MAB21L3: variants seen among roughly 807,000 people sequenced by gnomAD.
The protein encoded by MAB21L3 is mab-21 like 3, also known as protein mab-21-like 3.
A neutral mutation model predicts 37.7 loss-of-function variants in MAB21L3; 36 were observed. That is an observed-to-expected ratio of 0.96 (90% confidence interval 0.73 to 1.26). MAB21L3 has a LOEUF of 1.26. MAB21L3 is among the 50% of genes most tolerant of loss of function. MAB21L3 has a pLI of 0.00. For missense variants in MAB21L3, 430 were observed against 447.3 expected (o/e 0.96, Z 0.35); for synonymous variants, 186 against 176.8 (o/e 1.05, Z -0.41).
intron 4 of MAB21L3, 31 bp from the exon 5 acceptor site, chr1:116,124,035 A>C (rs1453548795): frequency 6.4e-7 from 1 of 1,561,310 alleles, no homozygotes; most frequent in Non-Finnish European, 8.7e-7. Context: ...CTGTGAATTC[A>C]TGCTTGTTTT....
intron 3 of MAB21L3, among the ~76,000 whole-genome samples, chr1:116,119,270 C>G (rs1446064426): frequency 1.3e-5 from 2 of 152,232 alleles, no homozygotes; most frequent in African/African-American, 4.8e-5. Flanking sequence ...GTGCCCACCA[C>G]AGAGGACATG....
At chr1:116,127,314 A>T (rs1659936060) in intron 5 of MAB21L3, 152 bp from the exon 6 acceptor site, 3 of 647,610 alleles carry the variant, frequency 4.6e-6, no homozygotes, top group Non-Finnish European at 5.2e-6. Context: ...TGCTACAGGC[A>T]TTGTGATCCT....
Position 116,126,366 on chromosome 1 carries a change from T to C in MAB21L3, c.482-1100T>C, listed in dbSNP as rs1359449234. Among the ~76,000 whole-genome samples the C allele has an allele frequency of 2.6e-5, 4 of 152,226 alleles. No homozygotes were observed. The East Asian group carries it at 5.8e-4, about 22-fold the overall frequency. ...TAGATGCGTTAGTTTTCTCTTCTTC[T>C]CTTTGCCTGGTTGGAAAACGAGGCA... On this transcript the variant is annotated intron_variant, in intron 5 of 7. Coordinates refer to ENST00000369500, the MANE Select transcript of MAB21L3 (RefSeq NM_152367.3).
At chr1:116,126,271 CTG>C (rs1553231419) in intron 5 of MAB21L3, among the ~76,000 whole-genome samples, 1 of 152,172 alleles carries the variant, frequency 6.6e-6, no homozygotes, top group East Asian at 1.9e-4. Context: ...CAAACAAAAA[CTG>C]TACCTTTTGA....
At chr1:116,124,428 G>T in intron 5 of MAB21L3, 71 bp downstream of exon 5, 1 of 1,404,950 alleles carries the variant, frequency 7.1e-7, no homozygotes. Context: ...ACCTCTGTTT[G>T]GGTGTTACCT....
intron 7 of MAB21L3, 38 bp from the exon 8 acceptor site, chr1:116,133,094 C>T (rs764854408): frequency 2.6e-6 from 4 of 1,544,018 alleles, no homozygotes; most frequent in African/African-American, 1.4e-5. Context: ...TCCTCAATTG[C>T]CCGAAACAAT....
intron 7 of MAB21L3, among the ~76,000 whole-genome samples, chr1:116,132,688 C>T (rs576133546): frequency 6.6e-6 from 1 of 152,124 alleles, no homozygotes; most frequent in East Asian, 1.9e-4. Context: ...TTGTGAAAAG[C>T]AGTTGAGGAA....
intron 7 of MAB21L3, among the ~76,000 whole-genome samples, chr1:116,130,183 A>G (rs1472554618): frequency 6.6e-6 from 1 of 152,260 alleles, no homozygotes; most frequent in Admixed American, 6.5e-5. Flanking sequence ...TATTTCAGGC[A>G]GGATTGAATG....
At chr1:116,112,823 A>G (rs1659467639) in intron 3 of MAB21L3, among the ~76,000 whole-genome samples, 160 bp downstream of exon 3, 2 of 152,160 alleles carry the variant, frequency 1.3e-5, no homozygotes, top group Non-Finnish European at 2.9e-5. Flanking sequence ...GGCTTAACAT[A>G]TATCAGCCTT....
rs1164169999 is a variant in MAB21L3 at position 116,117,186 on chromosome 1, T to TATATATATA, written c.49-3740_49-3739insATAATATAT. 6.2e-5 allele frequency among the ~76,000 whole-genome samples: 9 copies of TATATATATA among 146,064 alleles called. No individual in the cohort carries two copies. In the East Asian group the frequency reaches 1.6e-3, roughly 26 times the overall value. ...ACATATATATATATATATATATATA[T>TATATATATA]ATATATGTATAGTCACTGCTATGTT... On this transcript the variant is annotated intron_variant, in intron 3 of 7. Coordinates refer to ENST00000369500, the MANE Select transcript of MAB21L3 (RefSeq NM_152367.3).
At chr1:116,127,349 G>A (rs892424194) in intron 5 of MAB21L3, 117 bp from the exon 6 acceptor site, 1 of 935,500 alleles carries the variant, frequency 1.1e-6, no homozygotes, top group Admixed American at 2.4e-5. Flanking sequence ...CATTGTGAAA[G>A]TTGCCACACC....
At position 116,112,654 on chromosome 1, in the gene MAB21L3, A is replaced by G. The variant is rs1245795231; in HGVS notation, c.39A>G (p.Leu13=). Residue 13 remains leucine, a synonymous_variant, in exon 3 of 8, where the codon CTA becomes CTG. Transcript: ENST00000369500. Reference sequence around the variant, plus strand: ...CTGTGGGAGACTTAGAAGATTGCCTACTGAATAAGGTAAGGACAGACCCGG... The same window carrying G: ...CTGTGGGAGACTTAGAAGATTGCCTGCTGAATAAGGTAAGGACAGACCCGG... ...YLTVGDLEDC[L]LNKVDLRRQQ... The G allele has an allele frequency of 1.9e-6, 3 of 1,613,772 alleles. No individual in the cohort carries two copies. Among genetic ancestry groups the G allele is most frequent in the African/African-American group, 1.3e-5 (1 of 74,826 alleles).
chr1:116,119,404 T>TGA (rs34409341), intron 3 of MAB21L3, among the ~76,000 whole-genome samples: 23,947 of 152,176 alleles, frequency 0.16, 2,127 homozygotes, highest in African/African-American at 0.23. Context: ...ATGAGAAGTA[T>TGA]GAGTGAGGTC....
At chr1:116,122,567 G>T (rs2101613248) in intron 4 of MAB21L3, among the ~76,000 whole-genome samples, 1 of 152,080 alleles carries the variant, frequency 6.6e-6, no homozygotes, top group Middle Eastern at 3.4e-3. Flanking sequence ...TTGCTTTTTT[G>T]CCTGTTTTTT....
intron 7 of MAB21L3, among the ~76,000 whole-genome samples, chr1:116,131,399 G>C (rs1352671506): frequency 2.0e-5 from 3 of 152,214 alleles, no homozygotes; most frequent in Admixed American, 6.5e-5. Context: ...GGAGGACACA[G>C]GTCAAGATGA....
At chr1:116,114,927 G>A (rs75228006) in intron 3 of MAB21L3, among the ~76,000 whole-genome samples, 4,478 of 152,238 alleles carry the variant, frequency 0.029, 219 homozygotes, top group African/African-American at 0.098. Flanking sequence ...GTATAGGAAA[G>A]GTCTTCCAGG....
intron 3 of MAB21L3, among the ~76,000 whole-genome samples, chr1:116,113,960 G>A (rs1251254474): frequency 6.6e-6 from 1 of 152,086 alleles, no homozygotes; most frequent in Admixed American, 6.6e-5. Context: ...TGCCCAACAA[G>A]AACTGGGCCC....
chr1:116,113,629 A>G (rs1659490837), intron 3 of MAB21L3, among the ~76,000 whole-genome samples: 1 of 152,224 alleles, frequency 6.6e-6, no homozygotes, highest in Admixed American at 6.5e-5. Flanking sequence ...AGTGTTCGAC[A>G]CGTTGAATCC....
At chr1:116,130,073 G>A (rs530584831) in intron 7 of MAB21L3, among the ~76,000 whole-genome samples, 19 of 152,190 alleles carry the variant, frequency 1.2e-4, no homozygotes, top group Admixed American at 1.2e-3. Flanking sequence ...GAGCTGAGAC[G>A]CAAACTCAAG....
Sources: allele counts gnomAD v4.1 joint callset (sites outside exome capture counted in the v4.1 genomes callset), GRCh38; gene constraint gnomAD v4.1.1; transcripts MANE v1.5; gene names NCBI Gene and HGNC (gene_info 2026-07-23, HGNC 2026-07-21).